Variants in SUPT3H observed in about 807,000 individuals in gnomAD.
SUPT3H encodes the protein SPT3 homolog, SAGA and STAGA complex component.
In SUPT3H, 44 loss-of-function variants were observed where a neutral mutation model predicts 44.3. That is an observed-to-expected ratio of 0.99 (90% CI 0.78 to 1.28). The LOEUF (loss-of-function observed/expected upper bound fraction) is 1.28. Among genes scored for constraint, SUPT3H ranks in the 50% most tolerant of loss-of-function variants. SUPT3H has a pLI of 0.00. For missense variants in SUPT3H, 380 were observed against 387.1 expected (o/e 0.98, Z 0.15); for synonymous variants, 124 against 125.6 (o/e 0.99, Z 0.09).
chr6:44,903,647 C>T (rs1297573353), intron 10 of SUPT3H, among the ~76,000 whole-genome samples: 5 of 152,062 alleles, frequency 3.3e-5, no homozygotes, highest in Admixed American at 2.6e-4. Context: ...TTCCAATCAA[C>T]AGAAAAAGAG....
chr6:45,241,224 C>T (rs1770264754), intron 2 of SUPT3H, among the ~76,000 whole-genome samples: 1 of 95,688 alleles, frequency 1.0e-5, no homozygotes, highest in Admixed American at 9.9e-5. Context: ...CCAAATCTTG[C>T]CATAAGCTGG....
chr6:44,938,665 G>A (rs1771896666), intron 9 of SUPT3H, among the ~76,000 whole-genome samples: 1 of 152,138 alleles, frequency 6.6e-6, no homozygotes, highest in South Asian at 2.1e-4. Flanking sequence ...GCTTTGGGCA[G>A]TATAATCATT....
In SUPT3H at chr6:45,184,014, T is replaced by A. The variant is rs537790199; in HGVS notation, c.102-78008A>T. On this transcript the variant is annotated intron_variant, in intron 2 of 10. Coordinates refer to ENST00000371459, the MANE Select transcript of SUPT3H (RefSeq NM_003599.4). ...TTTTGTATGATACTGTAATGGTGCATACATGTCATACATTTGTCAGAACAT... is the reference window on the plus strand; with the variant it reads ...TTTTGTATGATACTGTAATGGTGCAAACATGTCATACATTTGTCAGAACAT... Among the ~76,000 whole-genome samples the A allele has an allele frequency of 1.8e-4, 27 of 152,270 alleles. 1 individual carries two copies. The South Asian group carries it at 3.3e-3, about 19-fold the overall frequency.
chr6:45,215,539 T>A (rs535120362), intron 2 of SUPT3H, among the ~76,000 whole-genome samples: 11 of 152,160 alleles, frequency 7.2e-5, no homozygotes, highest in African/African-American at 2.6e-4. Context: ...ATGAATGAAA[T>A]TTTTAAAAAT....
chr6:44,895,492 T>C (rs951385527), intron 10 of SUPT3H, among the ~76,000 whole-genome samples: 28 of 152,314 alleles, frequency 1.8e-4, no homozygotes, highest in African/African-American at 6.7e-4. Flanking sequence ...TTTGGAACTG[T>C]AGATATATTC....
intron 3 of SUPT3H, among the ~76,000 whole-genome samples, chr6:45,027,313 A>G (rs1786189264): frequency 6.6e-6 from 1 of 151,570 alleles, no homozygotes; most frequent in South Asian, 2.1e-4. Context: ...TGTTTTCTTG[A>G]CCCCATTTCT....
At chr6:44,947,415 A>G (rs1582680962) in intron 9 of SUPT3H, among the ~76,000 whole-genome samples, 2 of 152,312 alleles carry the variant, frequency 1.3e-5, no homozygotes, top group East Asian at 1.9e-4. Context: ...TTCAGTAATA[A>G]AAAGAGATAT....
intron 3 of SUPT3H, among the ~76,000 whole-genome samples, chr6:45,033,427 T>C (rs1226695933): frequency 6.6e-6 from 1 of 152,052 alleles, no homozygotes; most frequent in Non-Finnish European, 1.5e-5. Flanking sequence ...AGAAAGGAAA[T>C]TATGCTAACC....
At chr6:45,131,593 T>C (rs939440929) in intron 2 of SUPT3H, among the ~76,000 whole-genome samples, 6 of 152,192 alleles carry the variant, frequency 3.9e-5, no homozygotes, top group African/African-American at 1.4e-4. Flanking sequence ...GTCAAACTGT[T>C]ACCATATAAG....
intron 2 of SUPT3H, among the ~76,000 whole-genome samples, chr6:45,109,250 T>C (rs1051614776): frequency 1.3e-5 from 2 of 152,074 alleles, no homozygotes; most frequent in Admixed American, 6.5e-5. Context: ...AAGGCAAAAA[T>C]CTTTTGTTGT....
At chr6:44,979,468 CA>C (rs1408592387) in intron 6 of SUPT3H, among the ~76,000 whole-genome samples, 1 of 151,866 alleles carries the variant, frequency 6.6e-6, no homozygotes, top group African/African-American at 2.4e-5. Context: ...TAAACCATGA[CA>C]AAATACTCTT....
intron 3 of SUPT3H, among the ~76,000 whole-genome samples, chr6:45,085,724 A>C (rs1259906495): frequency 6.6e-6 from 1 of 152,098 alleles, no homozygotes; most frequent in African/African-American, 2.4e-5. Context: ...CTGTTAATTA[A>C]GACAACATGA....
intron 10 of SUPT3H, 77 bp from the exon 11 acceptor site, chr6:44,829,934 C>T: frequency 7.4e-7 from 1 of 1,349,252 alleles, no homozygotes; most frequent in Non-Finnish European, 1.1e-6. Flanking sequence ...GCAAGCAGAG[C>T]CCTCTTCCTG....
chr6:45,077,270 A>G (rs1795113587), intron 3 of SUPT3H, among the ~76,000 whole-genome samples: 1 of 152,104 alleles, frequency 6.6e-6, no homozygotes, highest in African/African-American at 2.4e-5. Context: ...TATCCTCTCT[A>G]TTGAGATAGA....
chr6:45,280,505 CA>C (rs914678916), intron 2 of SUPT3H, among the ~76,000 whole-genome samples: 1 of 151,296 alleles, frequency 6.6e-6, no homozygotes, highest in Non-Finnish European at 1.5e-5. Flanking sequence ...CAAAAAACAA[CA>C]AAAAAAACCT....
chr6:45,315,646 C>T (rs912841247), intron 2 of SUPT3H, among the ~76,000 whole-genome samples: 8 of 152,008 alleles, frequency 5.3e-5, no homozygotes, highest in Non-Finnish European at 8.8e-5. Context: ...GGCATGGATG[C>T]GGTGAACAGG....
At chr6:45,257,007 C>T (rs1415332263) in intron 2 of SUPT3H, among the ~76,000 whole-genome samples, 1 of 152,182 alleles carries the variant, frequency 6.6e-6, no homozygotes, top group African/African-American at 2.4e-5. Flanking sequence ...GTTTGAGGAA[C>T]TACTAGTTTG....
chr6:45,026,652 C>T (rs1297524301), intron 3 of SUPT3H, among the ~76,000 whole-genome samples: 3 of 152,064 alleles, frequency 2.0e-5, no homozygotes, highest in African/African-American at 7.2e-5. Flanking sequence ...GTGGCAATCA[C>T]CTTTAACTTT....
intron 2 of SUPT3H, among the ~76,000 whole-genome samples, chr6:45,314,063 G>A (rs972801102): frequency 6.6e-6 from 1 of 152,132 alleles, no homozygotes; most frequent in Non-Finnish European, 1.5e-5. Context: ...CTCAATCGAT[G>A]CAGAAAAAGC....
Sources: gnomAD v4.1 joint callset for allele counts (sites outside exome capture counted in the v4.1 genomes callset) on GRCh38, gnomAD v4.1.1 for gene constraint, MANE v1.5 for transcripts, NCBI Gene and HGNC (gene_info 2026-07-23, HGNC 2026-07-21) for gene names.